Variants in INPP5D observed in about 807,000 individuals in gnomAD.
INPP5D encodes the protein phosphatidylinositol 3,4,5-trisphosphate 5-phosphatase 1.
A neutral mutation model predicts 122.9 loss-of-function variants in INPP5D; 33 were observed. That is an observed-to-expected ratio of 0.27 (90% CI 0.20 to 0.36). The LOEUF (loss-of-function observed/expected upper bound fraction) is 0.36, where lower values mean the gene tolerates loss of function less well. Ranked by LOEUF, INPP5D falls within the 10% of genes least tolerant of loss-of-function variation. The pLI is 1.00. For synonymous variants in INPP5D, 584 were observed against 576.2 expected (o/e 1.01, Z -0.19); for missense variants, 1,053 against 1,412.7 (o/e 0.75, Z 4.08).
At chr2:233,169,130 T>G (rs545170005) in intron 13 of INPP5D, among the ~76,000 whole-genome samples, 175 bp from the exon 14 acceptor site, 13 of 151,986 alleles carry the variant, frequency 8.6e-5, no homozygotes, top group South Asian at 6.3e-4. Context: ...TGCTCCTGCA[T>G]TTTCTCATCT....
chr2:233,186,273 C>T (rs909135271), intron 21 of INPP5D, among the ~76,000 whole-genome samples: 2 of 152,170 alleles, frequency 1.3e-5, no homozygotes, highest in African/African-American at 4.8e-5. Context: ...TGCAGTAACA[C>T]ACCTAGGACG....
chr2:233,202,328 A>C (rs6761018), intron 25 of INPP5D, among the ~76,000 whole-genome samples: 82,893 of 152,188 alleles, frequency 0.54, 25,190 homozygotes, highest in East Asian at 0.95. Context: ...AAGAGGGCTG[A>C]ACATGGAGGG....
chr2:233,102,087 C>T lies in INPP5D; in HGVS notation c.199-20020C>T, dbSNP rs61067790. 4.3e-3 allele frequency among the ~76,000 whole-genome samples: 657 copies of T among 152,214 alleles called. 4 individuals carry two copies. Among genetic ancestry groups the T allele is most frequent in the South Asian group, 0.018 (89 of 4,820 alleles). On this transcript the variant is annotated intron_variant, in intron 2 of 26. Coordinates refer to ENST00000445964, the MANE Select transcript of INPP5D (RefSeq NM_001017915.3). ...AAGTAGGTCTTGAAATCTTCATTCA[C>T]GGCCAAGGAAACTGGTTTGGTCTCA...
chr2:233,196,593 C>T (rs1012515676), intron 24 of INPP5D, among the ~76,000 whole-genome samples: 10 of 152,180 alleles, frequency 6.6e-5, no homozygotes, highest in East Asian at 1.9e-4. Context: ...GGAAAATGCA[C>T]ACTGGTTGCT....
rs745563573 is a variant in INPP5D at position 233,204,437 on chromosome 2, C to T, written c.3287C>T (p.Ala1096Val). The T allele has an allele frequency of 6.2e-7, 1 of 1,602,938 alleles. No individual in the cohort carries two copies. Among genetic ancestry groups the T allele is most frequent in the East Asian group, 2.3e-5 (1 of 44,378 alleles). ...FTCSSSAEGR[A>V]AGGDKSQGKP... ...TGCTCATCCTCTGCCGAGGGCAGGG[C>T]GGCCGGCGGGGACAAGAGCCAAGGG... The change falls in exon 26 of 27, where the codon GCG becomes GTG. Residue 1096 changes from alanine (A) to valine (V), a missense_variant. Physicochemically the swap from Ala to Val is moderately conservative, Grantham distance 64 (BLOSUM62 0). Transcript: ENST00000445964.
At position 233,130,640 on chromosome 2, in the gene INPP5D, G is replaced by A; in HGVS notation, c.657G>A (p.Glu219=). The A allele has an allele frequency of 6.2e-7, 1 of 1,613,986 alleles. No individual in the cohort carries two copies. The part of the protein sequence containing the change: ...LKKLTTLLCK[E]LYGEVIRTLP... ...AACTGACCACACTGCTCTGCAAGGA[G>A]CTCTATGGGTAATGGCTGGCCCACG... The change falls in exon 5 of 27, where the codon GAG becomes GAA. Residue 219 remains glutamate (E), a synonymous_variant. Transcript: ENST00000445964.
At chr2:233,195,042 T>C (rs1320076425) in intron 23 of INPP5D, among the ~76,000 whole-genome samples, 1 of 152,180 alleles carries the variant, frequency 6.6e-6, no homozygotes, top group African/African-American at 2.4e-5. Context: ...GTGACACACC[T>C]GCCTCGGCCT....
At chr2:233,086,977 C>T (rs1691869116) in intron 2 of INPP5D, among the ~76,000 whole-genome samples, 1 of 152,140 alleles carries the variant, frequency 6.6e-6, no homozygotes, top group Admixed American at 6.6e-5. Context: ...CATCCTTGGG[C>T]TCAACATCTC....
rs972591722 is a variant in INPP5D at position 233,157,638 on chromosome 2, G to C, written c.1031-675G>C. ...TGCATTGGCAGGGAGTCAAGTTGGGGGAGCAGGTTGTGTGTGTGAAAGAAA... is the reference window on the plus strand; with the variant it reads ...TGCATTGGCAGGGAGTCAAGTTGGGCGAGCAGGTTGTGTGTGTGAAAGAAA... On this transcript the variant is annotated intron_variant, in intron 9 of 26. Coordinates refer to ENST00000445964, the MANE Select transcript of INPP5D (RefSeq NM_001017915.3). Among the ~76,000 whole-genome samples the C allele has an allele frequency of 1.4e-4, 19 of 135,864 alleles. No homozygotes were observed. In the East Asian group the frequency reaches 3.5e-3, roughly 25 times the overall value. 89.1% of individuals were successfully genotyped at this position (135,864 alleles called of 152,430 possible).
chr2:233,171,378 A>G, intron 17 of INPP5D: 1 of 520,782 alleles, frequency 1.9e-6, no homozygotes, highest in Non-Finnish European at 3.2e-6. Flanking sequence ...CTGTCCAGAT[A>G]CTCTAAGATG....
Position 233,108,263 on chromosome 2 carries a change from C to A in INPP5D, c.199-13844C>A, listed in dbSNP as rs899548184. 5.3e-5 allele frequency among the ~76,000 whole-genome samples: 8 copies of A among 152,158 alleles called. 1 individual carries two copies. The highest frequency in any genetic ancestry group is 3.3e-4 in the Admixed American group (5 of 15,274). On this transcript the variant is annotated intron_variant, in intron 2 of 26. Coordinates refer to ENST00000445964, the MANE Select transcript of INPP5D (RefSeq NM_001017915.3). Reference sequence around the variant, plus strand: ...CTCACTATCATCCAGCTAGAGAGTCCGGGGATCCCCCACCCACCACCTCCA... The same window carrying A: ...CTCACTATCATCCAGCTAGAGAGTCAGGGGATCCCCCACCCACCACCTCCA...
At chr2:233,102,254 C>A (rs1692335535) in intron 2 of INPP5D, among the ~76,000 whole-genome samples, 1 of 152,128 alleles carries the variant, frequency 6.6e-6, no homozygotes, top group African/African-American at 2.4e-5. Context: ...GGACTTTTAC[C>A]TTCTGAAAAA....
intron 1 of INPP5D, among the ~76,000 whole-genome samples, chr2:233,076,935 T>C (rs550120498): frequency 2.6e-5 from 4 of 152,328 alleles, no homozygotes; most frequent in South Asian, 2.1e-4. Context: ...CACAACTTCA[T>C]TGGAAGACAG....
chr2:233,144,341 G>A (rs1693693269), intron 6 of INPP5D, among the ~76,000 whole-genome samples: 1 of 151,390 alleles, frequency 6.6e-6, no homozygotes, highest in South Asian at 2.1e-4. Context: ...AGTGGGAGGG[G>A]TGGAGATGGT....
chr2:233,117,534 C>A lies in INPP5D; in HGVS notation c.199-4573C>A, dbSNP rs114556919. On this transcript the variant is annotated intron_variant, in intron 2 of 26. Coordinates refer to ENST00000445964, the MANE Select transcript of INPP5D (RefSeq NM_001017915.3). Reference sequence around the variant, plus strand: ...GTCTCCATGGTAGCTCCACGGGAGGCCACAGCGCCTGCTGGGCGGCCCCCT... The same window carrying A: ...GTCTCCATGGTAGCTCCACGGGAGGACACAGCGCCTGCTGGGCGGCCCCCT... Among the ~76,000 whole-genome samples, 1,364 of 152,246 alleles carry A rather than the reference C, an allele frequency of 9.0e-3. 18 individuals are homozygous for A. The highest frequency in any genetic ancestry group is 0.031 in the African/African-American group (1,274 of 41,526).
At chr2:233,127,216 G>A (rs1197308227) in intron 4 of INPP5D, among the ~76,000 whole-genome samples, 1 of 152,246 alleles carries the variant, frequency 6.6e-6, no homozygotes, top group Non-Finnish European at 1.5e-5. Flanking sequence ...TGGGCTGAGG[G>A]TTCATGGGCA....
intron 4 of INPP5D, among the ~76,000 whole-genome samples, chr2:233,129,374 C>A (rs1167334731): frequency 6.6e-6 from 1 of 152,186 alleles, no homozygotes; most frequent in East Asian, 1.9e-4. Context: ...TCAGGAAATA[C>A]TTGCTGTAAT....
chr2:233,194,101 C>G, intron 23 of INPP5D, 140 bp downstream of exon 23: 8 of 1,353,588 alleles, frequency 5.9e-6, no homozygotes, highest in Non-Finnish European at 7.8e-6. Context: ...AGATCTCAGA[C>G]AATCTGGCCC....
intron 24 of INPP5D, among the ~76,000 whole-genome samples, chr2:233,196,911 C>G (rs1451291362): frequency 6.6e-6 from 1 of 152,102 alleles, no homozygotes; most frequent in Non-Finnish European, 1.5e-5. Flanking sequence ...TTCCAGCTTC[C>G]GATGTTCACA....
Sources: gnomAD v4.1 joint callset for allele counts (sites outside exome capture counted in the v4.1 genomes callset) on GRCh38, gnomAD v4.1.1 for gene constraint, MANE v1.5 for transcripts, NCBI Gene and HGNC (gene_info 2026-07-23, HGNC 2026-07-21) for gene names.